Variants in CTNND2 observed in about 807,000 individuals in gnomAD.
CTNND2 encodes catenin delta-2.
Under a neutral mutation model 144.4 loss-of-function variants are expected in CTNND2, and 22 were observed. That is an observed-to-expected ratio of 0.15 (90% CI 0.11 to 0.22). The LOEUF is 0.22. CTNND2 is among the 10% of genes least tolerant of loss of function. The probability of loss-of-function intolerance (pLI) is 1.00; values close to 1 mark genes in which losing one functional copy is unlikely to be tolerated. For synonymous variants in CTNND2, 751 were observed against 695.6 expected (o/e 1.08, Z -1.25); for missense variants, 1,353 against 1,618.8 (o/e 0.84, Z 2.82).
At chr5:11,626,162 T>A (rs759553849) in intron 2 of CTNND2, among the ~76,000 whole-genome samples, 3 of 152,148 alleles carry the variant, frequency 2.0e-5, no homozygotes, top group Non-Finnish European at 2.9e-5. Context: ...GAGATTTCCA[T>A]TGTAACCTCA....
chr5:11,509,507 G>C (rs1771427383), intron 3 of CTNND2, among the ~76,000 whole-genome samples: 1 of 152,138 alleles, frequency 6.6e-6, no homozygotes, highest in Non-Finnish European at 1.5e-5. Flanking sequence ...AAGGAAAGTA[G>C]GAGGGTTAAA....
chr5:11,114,242 C>T (rs758406947), intron 13 of CTNND2, among the ~76,000 whole-genome samples: 2 of 152,214 alleles, frequency 1.3e-5, no homozygotes, highest in African/African-American at 2.4e-5. Flanking sequence ...TCCCTGGAGG[C>T]ATCACTGTTC....
chr5:11,719,916 T>C (rs558127931), intron 2 of CTNND2, among the ~76,000 whole-genome samples: 1 of 151,912 alleles, frequency 6.6e-6, no homozygotes, highest in African/African-American at 2.4e-5. Flanking sequence ...CCTAGTATCC[T>C]ATGTTTCATA....
At chr5:11,427,963 G>A (rs1170759690) in intron 3 of CTNND2, among the ~76,000 whole-genome samples, 1 of 152,128 alleles carries the variant, frequency 6.6e-6, no homozygotes, top group Non-Finnish European at 1.5e-5. Context: ...GGGGGGAGGC[G>A]AAAGGCACTT....
chr5:11,069,753 G>T (rs953004672), intron 16 of CTNND2, among the ~76,000 whole-genome samples: 1 of 152,128 alleles, frequency 6.6e-6, no homozygotes, highest in Non-Finnish European at 1.5e-5. Context: ...TCAGAAAACT[G>T]ATAACTGGGC....
chr5:10,994,110 A>G (rs557401106), intron 18 of CTNND2, among the ~76,000 whole-genome samples: 2 of 150,322 alleles, frequency 1.3e-5, no homozygotes, highest in African/African-American at 2.5e-5. Context: ...TGAGCCTTCG[A>G]AAGTAAATAG....
At chr5:11,209,203 C>T (rs1580593780) in intron 10 of CTNND2, among the ~76,000 whole-genome samples, 1 of 152,100 alleles carries the variant, frequency 6.6e-6, no homozygotes, top group African/African-American at 2.4e-5. Flanking sequence ...CAAAATGATT[C>T]TAACTTTCAT....
At chr5:11,199,304 G>A in intron 11 of CTNND2, 144 bp downstream of exon 11, 1 of 654,458 alleles carries the variant, frequency 1.5e-6, no homozygotes, top group South Asian at 2.1e-5. Context: ...TTCTTCAGTT[G>A]TTTACTCATT....
intron 2 of CTNND2, among the ~76,000 whole-genome samples, chr5:11,630,819 T>C (rs1227524405): frequency 6.6e-6 from 1 of 151,932 alleles, no homozygotes; most frequent in Non-Finnish European, 1.5e-5. Context: ...CCAGGCGTGG[T>C]GGTGGGTGTC....
At chr5:11,286,442 A>C (rs1479900434) in intron 9 of CTNND2, among the ~76,000 whole-genome samples, 1 of 152,246 alleles carries the variant, frequency 6.6e-6, no homozygotes, top group Non-Finnish European at 1.5e-5. Context: ...AAGCATAAAA[A>C]GACTACAGAT....
intron 1 of CTNND2, among the ~76,000 whole-genome samples, chr5:11,802,505 T>C (rs1371288839): frequency 6.6e-6 from 1 of 151,596 alleles, no homozygotes; most frequent in African/African-American, 2.4e-5. Context: ...AGGCAGAGGC[T>C]GCAGTGAGCT....
At chr5:11,041,328 C>T (rs1272052496) in intron 16 of CTNND2, among the ~76,000 whole-genome samples, 2 of 152,322 alleles carry the variant, frequency 1.3e-5, no homozygotes, top group Admixed American at 1.3e-4. Context: ...TTGTGTCTTA[C>T]ATTACCCTAG....
chr5:11,731,081 G>C (rs1787362744), intron 2 of CTNND2, among the ~76,000 whole-genome samples: 1 of 152,124 alleles, frequency 6.6e-6, no homozygotes, highest in African/African-American at 2.4e-5. Context: ...CCAATTTCCT[G>C]CTTACTGACT....
intron 9 of CTNND2, among the ~76,000 whole-genome samples, chr5:11,335,708 C>G (rs1753665246): frequency 6.6e-6 from 1 of 152,246 alleles, no homozygotes; most frequent in East Asian, 1.9e-4. Context: ...AAAGAAAAAC[C>G]TCAACTTTTC....
intron 7 of CTNND2, among the ~76,000 whole-genome samples, chr5:11,366,488 G>C (rs1417151944): frequency 6.6e-6 from 1 of 152,116 alleles, no homozygotes; most frequent in Non-Finnish European, 1.5e-5. Flanking sequence ...ATGAATGACA[G>C]ATTCAAAGTA....
chr5:11,397,285 A>ACTCT, intron 5 of CTNND2, 82 bp from the exon 6 acceptor site: 1 of 1,189,862 alleles, frequency 8.4e-7, no homozygotes, highest in Non-Finnish European at 1.2e-6. Flanking sequence ...AGAGTAGCCT[A>ACTCT]GAATTATCTC....
At chr5:11,894,400 G>A (rs1411585786) in intron 1 of CTNND2, among the ~76,000 whole-genome samples, 1 of 152,134 alleles carries the variant, frequency 6.6e-6, no homozygotes, top group African/African-American at 2.4e-5. Context: ...TTCTACGGAT[G>A]GATAAAGGAG....
At chr5:11,080,568 C>G (rs1012292325) in intron 16 of CTNND2, among the ~76,000 whole-genome samples, 2 of 152,060 alleles carry the variant, frequency 1.3e-5, no homozygotes, top group African/African-American at 2.4e-5. Context: ...TGTATAGAAG[C>G]AATCTAAGTG....
intron 2 of CTNND2, among the ~76,000 whole-genome samples, chr5:11,612,876 G>A (rs1325891973): frequency 6.6e-6 from 1 of 151,938 alleles, no homozygotes; most frequent in African/African-American, 2.4e-5. Flanking sequence ...CTCCAGCCTA[G>A]GTGAAAAAGG....
Sources: gnomAD v4.1 joint callset for allele counts (sites outside exome capture counted in the v4.1 genomes callset) on GRCh38, gnomAD v4.1.1 for gene constraint, MANE v1.5 for transcripts, NCBI Gene and HGNC (gene_info 2026-07-23, HGNC 2026-07-21) for gene names.